The following CYP19A1 variants were observed in gnomAD, a reference collection of about 807,000 sequenced individuals.
The protein encoded by CYP19A1 is cytochrome P450 family 19 subfamily A member 1.
A neutral mutation model predicts 44.4 loss-of-function variants in CYP19A1; 32 were observed. The ratio of observed to expected loss-of-function variants is 0.72; its 90% CI spans 0.54 to 0.97. The LOEUF (loss-of-function observed/expected upper bound fraction) is 0.97. Ranked by LOEUF, CYP19A1 falls within the 50% of genes least tolerant of loss-of-function variation. The pLI, the probability that CYP19A1 is intolerant of heterozygous loss-of-function variation, is 0.00. For synonymous variants in CYP19A1, 212 were observed against 215.6 expected (o/e 0.98, Z 0.14); for missense variants, 598 against 637.8 (o/e 0.94, Z 0.67).
At chr15:51,219,898 G>A (rs2031923098) in intron 5 of CYP19A1, among the ~76,000 whole-genome samples, 1 of 152,208 alleles carries the variant, frequency 6.6e-6, no homozygotes, top group Non-Finnish European at 1.5e-5. Context: ...ATCCCTGCCT[G>A]AAAAGAGATC....
intron 1 of CYP19A1, among the ~76,000 whole-genome samples, chr15:51,283,107 T>G (rs945499310): frequency 5.3e-5 from 8 of 152,090 alleles, no homozygotes; most frequent in Non-Finnish European, 1.0e-4. Context: ...TTTTGAGCCA[T>G]TTCAAACAGA....
At chr15:51,234,821 T>C (rs1382519867) in intron 3 of CYP19A1, among the ~76,000 whole-genome samples, 2 of 151,906 alleles carry the variant, frequency 1.3e-5, no homozygotes, top group East Asian at 3.9e-4. Context: ...AAAGTGGGGG[T>C]GTGGCCTGGG....
At chr15:51,259,867 C>T (rs1248322585) in intron 1 of CYP19A1, among the ~76,000 whole-genome samples, 1 of 152,142 alleles carries the variant, frequency 6.6e-6, no homozygotes. Context: ...TACCAGCTTT[C>T]CTAGAACCCT....
intron 1 of CYP19A1, among the ~76,000 whole-genome samples, chr15:51,266,635 CAT>C (rs1008143260): frequency 3.9e-5 from 6 of 152,234 alleles, no homozygotes; most frequent in South Asian, 2.1e-4. Context: ...ATTTGTAGCA[CAT>C]GTTTCCTAAA....
At chr15:51,225,187 C>A (rs1036479442) in intron 4 of CYP19A1, among the ~76,000 whole-genome samples, 10 of 152,134 alleles carry the variant, frequency 6.6e-5, no homozygotes, top group African/African-American at 2.2e-4. Context: ...AGGGCAGGAA[C>A]CACATCTTGT....
At chr15:51,273,542 G>C (rs774755669) in intron 1 of CYP19A1, among the ~76,000 whole-genome samples, 1 of 151,974 alleles carries the variant, frequency 6.6e-6, no homozygotes, top group Non-Finnish European at 1.5e-5. Context: ...CAACTATTAT[G>C]GTACAGAGGA....
At chr15:51,288,702 T>A (rs1188778652) in intron 1 of CYP19A1, among the ~76,000 whole-genome samples, 2 of 152,194 alleles carry the variant, frequency 1.3e-5, no homozygotes, top group Non-Finnish European at 2.9e-5. Flanking sequence ...TGCTCCTTGT[T>A]AAACGCAGAC....
At chr15:51,287,679 T>TTG (rs1260928694) in intron 1 of CYP19A1, among the ~76,000 whole-genome samples, 3 of 152,184 alleles carry the variant, frequency 2.0e-5, no homozygotes, top group African/African-American at 7.2e-5. Context: ...CTCCAACCAG[T>TTG]TGTTCAGTTA....
chr15:51,240,652 C>T (rs2141117358), intron 2 of CYP19A1, among the ~76,000 whole-genome samples: 1 of 152,290 alleles, frequency 6.6e-6, no homozygotes, highest in East Asian at 1.9e-4. Context: ...ATCTCACAGT[C>T]TGTGCTACTA....
chr15:51,301,958 T>A (rs935974433), intron 1 of CYP19A1, among the ~76,000 whole-genome samples: 3 of 152,144 alleles, frequency 2.0e-5, no homozygotes, highest in Non-Finnish European at 4.4e-5. Context: ...CTCCACAAAA[T>A]GTAGAGCTGC....
At chr15:51,331,766 C>G (rs1219327026) in intron 1 of CYP19A1, among the ~76,000 whole-genome samples, 1 of 152,200 alleles carries the variant, frequency 6.6e-6, no homozygotes, top group Non-Finnish European at 1.5e-5. Context: ...GCAACTCTAT[C>G]TTATTCAGTG....
At chr15:51,311,623 C>G (rs1245569628) in intron 1 of CYP19A1, among the ~76,000 whole-genome samples, 1 of 152,172 alleles carries the variant, frequency 6.6e-6, no homozygotes, top group Non-Finnish European at 1.5e-5. Flanking sequence ...ATTCAAGTAG[C>G]TCGTTAAACC....
At chr15:51,278,881 G>A (rs764843917) in intron 1 of CYP19A1, 4 of 152,052 alleles carry the variant, frequency 2.6e-5, no homozygotes, top group Non-Finnish European at 4.4e-5. Context: ...ATTTACTGTC[G>A]GCTAAATACT....
chr15:51,210,878 G>T lies in CYP19A1; in HGVS notation c.1442C>A (p.Pro481Gln). The change falls in exon 10 of 10, where the codon CCA (proline) becomes CAA (glutamine). Residue 481 changes from proline (P) to glutamine (Q), a missense_variant. By Grantham distance (76) the Pro-to-Gln change is moderately conservative. Coordinates refer to ENST00000396402, the MANE Select transcript of CYP19A1 (RefSeq NM_000103.4). ...TTCCAGCATGTTTTTAGTCTCATCT[G>T]GGTGCAAGGACAAGTCGTGTATCTT... ...IQKIHDLSLH[P>Q]DETKNMLEMI... is the part of the protein sequence containing the mutation. 6.3e-7 allele frequency: 1 copy of T among 1,588,894 alleles called. No individual in the cohort carries two copies. Among genetic ancestry groups the T allele is most frequent in the Non-Finnish European group, 8.6e-7 (1 of 1,156,984 alleles).
chr15:51,285,936 G>A (rs2035683914), intron 1 of CYP19A1, among the ~76,000 whole-genome samples: 1 of 151,876 alleles, frequency 6.6e-6, no homozygotes, highest in Non-Finnish European at 1.5e-5. Flanking sequence ...TCTTTTTTTG[G>A]TACCAGTCAC....
intron 1 of CYP19A1, among the ~76,000 whole-genome samples, chr15:51,337,074 G>A (rs1441127194): frequency 6.6e-6 from 1 of 152,144 alleles, no homozygotes; most frequent in East Asian, 1.9e-4. Context: ...GTATTCAGAC[G>A]AGAACCCAAG....
At chr15:51,299,933 G>C (rs1415122269) in intron 1 of CYP19A1, among the ~76,000 whole-genome samples, 1 of 152,216 alleles carries the variant, frequency 6.6e-6, no homozygotes, top group East Asian at 1.9e-4. Flanking sequence ...CAAGAGGAGA[G>C]GTAGGATTTC....
intron 1 of CYP19A1, among the ~76,000 whole-genome samples, chr15:51,326,921 A>G (rs2036617047): frequency 6.6e-6 from 1 of 152,216 alleles, no homozygotes; most frequent in Admixed American, 6.5e-5. Context: ...TAAACCTGGA[A>G]ATATGAACTA....
intron 1 of CYP19A1, among the ~76,000 whole-genome samples, chr15:51,327,403 T>A (rs1251537571): frequency 6.6e-6 from 1 of 152,114 alleles, no homozygotes; most frequent in African/African-American, 2.4e-5. Flanking sequence ...TGGGATTAAA[T>A]GAGTAGAGCC....
Sources: allele counts gnomAD v4.1 joint callset (sites outside exome capture counted in the v4.1 genomes callset), GRCh38; gene constraint gnomAD v4.1.1; transcripts MANE v1.5; gene names NCBI Gene and HGNC (gene_info 2026-07-23, HGNC 2026-07-21).